The following GLB1 variants were observed in gnomAD, a reference collection of about 807,000 sequenced individuals.
GLB1 encodes the protein galactosidase beta 1, also known as beta-galactosidase.
In GLB1, 56 loss-of-function variants were observed where a neutral mutation model predicts 74.0. The ratio of observed to expected loss-of-function variants is 0.76; its 90% CI spans 0.61 to 0.94. The LOEUF (loss-of-function observed/expected upper bound fraction) is 0.94. GLB1 is among the 40% of genes least tolerant of loss of function. The probability of loss-of-function intolerance (pLI) is 0.00; values close to 1 mark genes in which losing one functional copy is unlikely to be tolerated. For missense variants in GLB1, 787 were observed against 845.5 expected (o/e 0.93, Z 0.86); for synonymous variants, 323 against 323.6 (o/e 1.00, Z 0.02).
Position 32,997,311 on chromosome 3 carries a change from G to A in GLB1, c.1768C>T (p.Arg590Cys), listed in dbSNP as rs794727165. Residue 590 changes from arginine to cysteine, a missense_variant, in exon 16 of 16, where the codon CGC (arginine) becomes TGC (cysteine). Arg to Cys is a radical substitution (Grantham distance 180). Transcript: ENST00000307363. ...TGAGGGCCCCGGGCTGGCCAATAGC[G>A]GCCAAGGTTAAAGCCATTAATCCAG... ...QVWINGFNLG[R>C]YWPARGPQLT... 21 of 1,613,716 alleles carry A rather than the reference G, an allele frequency of 1.3e-5. No homozygotes were observed. The highest frequency in any genetic ancestry group is 4.0e-5 in the African/African-American group (3 of 74,906).
intron 9 of GLB1, among the ~76,000 whole-genome samples, chr3:33,048,736 C>T (rs908792900): frequency 3.9e-5 from 6 of 152,118 alleles, no homozygotes; most frequent in Non-Finnish European, 8.8e-5. Flanking sequence ...TGGGGGCTGG[C>T]TCAGGGGCTC....
chr3:33,057,383 C>A (rs1019834840), intron 6 of GLB1, among the ~76,000 whole-genome samples: 1 of 152,266 alleles, frequency 6.6e-6, no homozygotes, highest in Non-Finnish European at 1.5e-5. Flanking sequence ...CAAGAATGGA[C>A]GAATACAGCT....
the GLB1 span, among the ~76,000 whole-genome samples, chr3:32,981,046 G>A: frequency 5.2e-3 from 686 of 133,116 alleles, 4 homozygotes; most frequent in African/African-American, 0.018. Flanking sequence ...AGCTGAGATC[G>A]TGCAACTGCA....
rs183537737 is a variant in GLB1 at position 33,077,089 on chromosome 3, C to T, written c.76-4376G>A. 438 of 1,388,126 alleles carry T rather than the reference C, an allele frequency of 3.2e-4. 8 individuals are homozygous for T. In the East Asian group the frequency reaches 0.012, roughly 37 times the overall value. The allele number at this position is 1,388,126 out of a possible 1,614,324, so 86.0% of individuals were successfully genotyped here. On this transcript the variant is annotated intron_variant, in intron 1 of 15. Coordinates refer to ENST00000307363, the MANE Select transcript of GLB1 (RefSeq NM_000404.4). ...AAAAAAAATTAAAATTAGTGTCTCC[C>T]TCACCCACTGCTGCCGCCTCCTTCT...
At chr3:33,006,897 C>G (rs1696810865) in intron 15 of GLB1, among the ~76,000 whole-genome samples, 1 of 152,188 alleles carries the variant, frequency 6.6e-6, no homozygotes, top group Non-Finnish European at 1.5e-5. Flanking sequence ...TTAGAAACAG[C>G]TGGGGCTTCA....
chr3:33,014,326 A>G lies in GLB1; in HGVS notation c.1480-16T>C. ...AAACCAAACCCTGCAAAGCAGAAACAGAGCACAGTGAGCTGGGGAGGGAAG... is the reference window on the plus strand; with the variant it reads ...AAACCAAACCCTGCAAAGCAGAAACGGAGCACAGTGAGCTGGGGAGGGAAG... On this transcript the variant is annotated splice_polypyrimidine_tract_variant and intron_variant, in intron 14 of 15. Transcript: ENST00000307363. 3 of 1,613,032 alleles carry G rather than the reference A, an allele frequency of 1.9e-6. No homozygotes were observed. Among genetic ancestry groups the G allele is most frequent in the Non-Finnish European group, 2.5e-6 (3 of 1,179,526 alleles).
At chr3:32,993,857 T>A (rs569637716), downstream of GLB1, among the ~76,000 whole-genome samples, 54 of 151,978 alleles carry the variant, frequency 3.6e-4, no homozygotes, top group Middle Eastern at 3.4e-3. Context: ...TTAGTAGAGA[T>A]GAGGTCTTGC....
At chr3:33,092,007 C>G (rs1426786224) in intron 1 of GLB1, 2 of 984,616 alleles carry the variant, frequency 2.0e-6, no homozygotes, top group Non-Finnish European at 2.4e-6. Flanking sequence ...CTCTCTTTGC[C>G]TTGGTTTCCT....
chr3:33,051,225 C>G (rs1296550920), intron 9 of GLB1, among the ~76,000 whole-genome samples: 1 of 118,938 alleles, frequency 8.4e-6, no homozygotes, highest in Non-Finnish European at 1.6e-5. Context: ...CAGAGCGAGA[C>G]TGCGTCTCAA....
chr3:33,058,693 G>A (rs1421491735), intron 5 of GLB1, among the ~76,000 whole-genome samples: 2 of 152,074 alleles, frequency 1.3e-5, no homozygotes, highest in Non-Finnish European at 2.9e-5. Flanking sequence ...GTATACAGCC[G>A]TCTAGATTTA....
the GLB1 span, among the ~76,000 whole-genome samples, chr3:32,963,211 T>C: frequency 6.6e-6 from 1 of 152,152 alleles, no homozygotes; most frequent in African/African-American, 2.4e-5. Context: ...TATTCAGAAG[T>C]GGGCCAAATG....
the GLB1 span, among the ~76,000 whole-genome samples, chr3:32,973,430 T>C: frequency 3.9e-4 from 60 of 152,056 alleles, no homozygotes; most frequent in East Asian, 8.1e-3. Context: ...ACCTCCTGGG[T>C]TCAAGCAATT....
chr3:33,089,909 C>CA (rs994052096), intron 1 of GLB1, among the ~76,000 whole-genome samples: 24 of 151,508 alleles, frequency 1.6e-4, no homozygotes, highest in African/African-American at 4.6e-4. Context: ...ACAAAAAGAA[C>CA]AAAAAAAATG....
At chr3:33,057,728 G>A (rs762302925) in intron 6 of GLB1, among the ~76,000 whole-genome samples, 31 of 152,210 alleles carry the variant, frequency 2.0e-4, no homozygotes, top group Non-Finnish European at 5.9e-5. Context: ...AGAAAGAGCA[G>A]AGAAGCGCGC....
intron 10 of GLB1, chr3:33,034,149 C>A (rs2125495951): frequency 1.6e-6 from 1 of 626,382 alleles, no homozygotes; most frequent in Non-Finnish European, 3.0e-6. Context: ...TGGGAGAAGA[C>A]CCACGACCCC....
chr3:32,969,759 A>T, the GLB1 span, among the ~76,000 whole-genome samples: 10 of 152,256 alleles, frequency 6.6e-5, no homozygotes, highest in Non-Finnish European at 1.3e-4. Flanking sequence ...AGGAACTCAC[A>T]TGGAAAAAAC....
intron 10 of GLB1, among the ~76,000 whole-genome samples, chr3:33,041,810 G>C (rs757400180): frequency 7.9e-5 from 12 of 151,988 alleles, no homozygotes; most frequent in Admixed American, 3.3e-4. Flanking sequence ...AGCAATAGAA[G>C]ATAAAGAAAA....
Position 32,997,204 on chromosome 3 carries a change from G to A in GLB1, c.1875C>T (p.Pro625=). ...ATAGTTCTGGATCATCACTGCTGCA[G>A]GGTGCCCACTCCAGTTCCAGCACGG... ...TITVLELEWA[P]CSSDDPELCA... The change falls in exon 16 of 16, where the codon CCC becomes CCT. Residue 625 remains proline (P), a synonymous_variant. Transcript: ENST00000307363. The A allele has an allele frequency of 3.1e-6, 5 of 1,614,208 alleles. No individual in the cohort carries two copies. Among genetic ancestry groups the A allele is most frequent in the Non-Finnish European group, 4.2e-6 (5 of 1,180,046 alleles).
chr3:33,061,336 C>T (rs1174885949), intron 5 of GLB1, among the ~76,000 whole-genome samples: 2 of 152,116 alleles, frequency 1.3e-5, no homozygotes, highest in Non-Finnish European at 2.9e-5. Flanking sequence ...ATTGCTTGAA[C>T]CCGGGAGGCA....
Sources: gnomAD v4.1 joint callset for allele counts (sites outside exome capture counted in the v4.1 genomes callset) on GRCh38, gnomAD v4.1.1 for gene constraint, MANE v1.5 for transcripts, NCBI Gene and HGNC (gene_info 2026-07-23, HGNC 2026-07-21) for gene names.